SETBP1: variants seen among roughly 807,000 people sequenced by gnomAD.
The protein encoded by SETBP1 is SET binding protein 1.
In SETBP1, 9 loss-of-function variants were observed where a neutral mutation model predicts 101.0. The ratio of observed to expected loss-of-function variants is 0.09; its 90% confidence interval spans 0.05 to 0.16. SETBP1 has a LOEUF of 0.16. Ranked by LOEUF, SETBP1 falls within the 10% of genes least tolerant of loss-of-function variation. The pLI is 1.00. For synonymous variants in SETBP1, 818 were observed against 788.5 expected (o/e 1.04, Z -0.63); for missense variants, 1,858 against 2,033.8 (o/e 0.91, Z 1.66).
intron 4 of SETBP1, among the ~76,000 whole-genome samples, chr18:45,007,919 G>A (rs566071783): frequency 1.3e-5 from 2 of 152,218 alleles, no homozygotes; most frequent in African/African-American, 4.8e-5. Flanking sequence ...GCAAGTTTTT[G>A]CCCCAAGCCT....
chr18:44,907,976 G>A (rs1344444602), intron 3 of SETBP1, among the ~76,000 whole-genome samples: 1 of 152,082 alleles, frequency 6.6e-6, no homozygotes, highest in African/African-American at 2.4e-5. Flanking sequence ...CTTGCCTTTA[G>A]GTTTATGATC....
At chr18:44,962,626 CA>C (rs1282851287) in intron 4 of SETBP1, among the ~76,000 whole-genome samples, 1 of 151,980 alleles carries the variant, frequency 6.6e-6, no homozygotes, top group African/African-American at 2.4e-5. Flanking sequence ...ACCCATTCTA[CA>C]AAAAAAGAAA....
chr18:44,892,648 G>A lies in SETBP1; in HGVS notation c.540+23365G>A, dbSNP rs991305750. On this transcript the variant is annotated intron_variant, in intron 3 of 5. Transcript: ENST00000649279. The stretch of plus-strand genomic sequence containing the variant: ...ATTTTGTGGCTGGACAGCTTTTATT[G>A]TTTGGAAATTATTCTGTGTATAGAG... Among the ~76,000 whole-genome samples, 8 of 152,116 alleles carry A rather than the reference G, an allele frequency of 5.3e-5. No individual in the cohort carries two copies. The South Asian group carries it at 1.7e-3, about 32-fold the overall frequency.
intron 2 of SETBP1, among the ~76,000 whole-genome samples, chr18:44,769,131 T>C (rs2070821913): frequency 6.6e-6 from 1 of 152,186 alleles, no homozygotes. Flanking sequence ...GGTTTGGTGG[T>C]TGGTCCAGAA....
At chr18:44,997,453 G>T (rs2145316495) in intron 4 of SETBP1, among the ~76,000 whole-genome samples, 1 of 152,248 alleles carries the variant, frequency 6.6e-6, no homozygotes, top group East Asian at 1.9e-4. Flanking sequence ...TAACTTTTCT[G>T]CAAAGTTCTA....
At chr18:44,685,661 G>T (rs2068825224) in intron 1 of SETBP1, among the ~76,000 whole-genome samples, 1 of 152,122 alleles carries the variant, frequency 6.6e-6, no homozygotes, top group South Asian at 2.1e-4. Context: ...GGGGTTATGA[G>T]GATTAAATAA....
intron 4 of SETBP1, among the ~76,000 whole-genome samples, chr18:45,037,437 A>C (rs974635919): frequency 1.3e-5 from 2 of 152,154 alleles, no homozygotes; most frequent in Non-Finnish European, 2.9e-5. Flanking sequence ...AATGTTAAGC[A>C]CTTTTATAGC....
intron 2 of SETBP1, among the ~76,000 whole-genome samples, chr18:44,819,850 C>T (rs1008556139): frequency 6.6e-6 from 1 of 152,216 alleles, no homozygotes; most frequent in Non-Finnish European, 1.5e-5. Flanking sequence ...GTGTAACCTA[C>T]ATGGACACCT....
chr18:44,876,573 C>A (rs2069407297), intron 3 of SETBP1: 3 of 1,549,680 alleles, frequency 1.9e-6, no homozygotes, highest in Non-Finnish European at 2.6e-6. Context: ...AGATTAAAGA[C>A]TCCAGTAAGG....
At chr18:44,736,065 T>G (rs2069959358) in intron 2 of SETBP1, among the ~76,000 whole-genome samples, 2 of 152,190 alleles carry the variant, frequency 1.3e-5, no homozygotes, top group Admixed American at 1.3e-4. Flanking sequence ...TCTTTTGGAA[T>G]AGCCACAAAG....
intron 2 of SETBP1, among the ~76,000 whole-genome samples, chr18:44,830,956 T>C (rs369828194): frequency 1.1e-4 from 17 of 152,332 alleles, no homozygotes; most frequent in African/African-American, 1.7e-4. Context: ...CCACAAAGCA[T>C]TGGGAGGATG....
At chr18:44,765,921 G>C (rs1222288462) in intron 2 of SETBP1, among the ~76,000 whole-genome samples, 1 of 152,232 alleles carries the variant, frequency 6.6e-6, no homozygotes, top group African/African-American at 2.4e-5. Context: ...CAGAGTAAAT[G>C]ATTATAATAG....
chr18:44,847,538 C>T (rs757170880), intron 2 of SETBP1, among the ~76,000 whole-genome samples: 6 of 152,128 alleles, frequency 3.9e-5, no homozygotes, highest in Non-Finnish European at 8.8e-5. Context: ...ATCTCCAGGG[C>T]TAGAAACACA....
intron 2 of SETBP1, among the ~76,000 whole-genome samples, chr18:44,782,360 A>C (rs552428152): frequency 1.3e-5 from 2 of 151,828 alleles, no homozygotes; most frequent in Non-Finnish European, 2.9e-5. Flanking sequence ...CGTAGCCAAC[A>C]TGACTGGTTT....
intron 3 of SETBP1, chr18:44,869,538 C>A: frequency 2.1e-6 from 1 of 481,942 alleles, no homozygotes; most frequent in Non-Finnish European, 3.8e-6. Flanking sequence ...GATCAAGATG[C>A]TCGGAATGTT....
In SETBP1 at chr18:44,950,619, G is replaced by A; in HGVS notation, c.1279G>A (p.Val427Met). The stretch of plus-strand genomic sequence containing the variant: ...GAAAAAAAGACAGTCCATTAAAGCG[G>A]TGGTGGAAAAGATCATGCCAGAGAA... ...KRKKRQSIKAVVEKIMPEKAL... is the reference protein window; with the variant it reads ...KRKKRQSIKAMVEKIMPEKAL... The change falls in exon 4 of 6, where the codon GTG (valine) becomes ATG (methionine). Residue 427 changes from valine to methionine, a missense_variant. Physicochemically the swap from Val to Met is conservative, Grantham distance 21 (BLOSUM62 1). Transcript: ENST00000649279. The A allele has an allele frequency of 1.9e-6, 3 of 1,614,116 alleles. No individual in the cohort carries two copies. Among genetic ancestry groups the A allele is most frequent in the Non-Finnish European group, 2.5e-6 (3 of 1,180,030 alleles).
At chr18:44,911,163 A>G (rs1204915896) in intron 3 of SETBP1, among the ~76,000 whole-genome samples, 1 of 152,152 alleles carries the variant, frequency 6.6e-6, no homozygotes, top group Non-Finnish European at 1.5e-5. Context: ...TGTATCTGTG[A>G]TGAGTCATCT....
chr18:45,025,166 T>G (rs2073140307), intron 4 of SETBP1, among the ~76,000 whole-genome samples: 1 of 152,190 alleles, frequency 6.6e-6, no homozygotes, highest in Non-Finnish European at 1.5e-5. Flanking sequence ...TGCTCAGAGA[T>G]GCTTAAAGGG....
At chr18:45,004,415 T>A (rs1367616156) in intron 4 of SETBP1, among the ~76,000 whole-genome samples, 1 of 152,210 alleles carries the variant, frequency 6.6e-6, no homozygotes, top group Non-Finnish European at 1.5e-5. Flanking sequence ...AGAAACAGCA[T>A]CTCTACTGTC....
Sources: gnomAD v4.1 joint callset for allele counts (sites outside exome capture counted in the v4.1 genomes callset) on GRCh38, gnomAD v4.1.1 for gene constraint, MANE v1.5 for transcripts, NCBI Gene and HGNC (gene_info 2026-07-23, HGNC 2026-07-21) for gene names.